The following SVOP variants were observed in gnomAD, a reference collection of about 807,000 sequenced individuals.
SVOP encodes SV2 related protein.
A neutral mutation model predicts 69.1 loss-of-function variants in SVOP; 17 were observed. The observed-to-expected ratio is 0.25, with a 90% confidence interval of 0.17 to 0.37. SVOP has a LOEUF of 0.37. SVOP is among the 10% of genes least tolerant of loss of function. The pLI is 1.00. For synonymous variants in SVOP, 238 were observed against 238.6 expected (o/e 1.00, Z 0.02); for missense variants, 435 against 597.5 (o/e 0.73, Z 2.84).
chr12:108,956,009 G>A, intron 6 of SVOP, among the ~76,000 whole-genome samples: 1 of 152,096 alleles, frequency 6.6e-6, no homozygotes, highest in Non-Finnish European at 1.5e-5. Context: ...TTTAGAATTA[G>A]CATTATGCTG....
intron 9 of SVOP, 40 bp from the exon 10 acceptor site, chr12:108,937,377 A>C: frequency 6.3e-7 from 1 of 1,584,748 alleles, no homozygotes; most frequent in Non-Finnish European, 8.7e-7. Flanking sequence ...TCTCTCCCCT[A>C]CAGATGCACG....
chr12:109,010,759 C>T (rs1016630304), intron 1 of SVOP, among the ~76,000 whole-genome samples: 11 of 152,148 alleles, frequency 7.2e-5, no homozygotes, highest in Non-Finnish European at 1.2e-4. Flanking sequence ...GCCTTGGCCT[C>T]CCAAAGTGCT....
chr12:108,984,632 C>T lies in SVOP; in HGVS notation c.36-871G>A, dbSNP rs981757315. 1.3e-4 allele frequency among the ~76,000 whole-genome samples: 20 copies of T among 152,302 alleles called. No homozygotes were observed. The South Asian group carries it at 4.1e-3, about 32-fold the overall frequency. ...ACATTTGAGTTTGAGACCCCATGGGCCCCACTCTTATGCAATATGTCCTTC... is the reference window on the plus strand; with the variant it reads ...ACATTTGAGTTTGAGACCCCATGGGTCCCACTCTTATGCAATATGTCCTTC... On this transcript the variant is annotated intron_variant, in intron 1 of 15. Coordinates refer to ENST00000610966, the MANE Select transcript of SVOP (RefSeq NM_018711.5).
chr12:109,014,501 T>C (rs1316650764), intron 1 of SVOP, among the ~76,000 whole-genome samples: 2 of 152,210 alleles, frequency 1.3e-5, no homozygotes, highest in African/African-American at 2.4e-5. Context: ...GCTGTGAACA[T>C]AGAAGTACGA....
At chr12:108,959,278 A>C (rs768002107) in intron 6 of SVOP, among the ~76,000 whole-genome samples, 2 of 151,552 alleles carry the variant, frequency 1.3e-5, no homozygotes, top group Non-Finnish European at 2.9e-5. Flanking sequence ...CACCAATAGA[A>C]TCCCTTTGGC....
rs71079510 is a variant in SVOP at position 109,008,960 on chromosome 12, C to CTTTTTT, written c.35+11868_35+11873dup. On this transcript the variant is annotated intron_variant, in intron 1 of 15. Transcript: ENST00000610966. Reference sequence around the variant, plus strand: ...TTGTAACTTTTTTTTTCTTTTCTTTCTTTTTTTTTTTTTTTTTTTGAGATG... The same window carrying CTTTTTT: ...TTGTAACTTTTTTTTTCTTTTCTTTCTTTTTTTTTTTTTTTTTTTTTTTTTGAGATG... Among the ~76,000 whole-genome samples, 57 of 112,718 alleles carry CTTTTTT rather than the reference C, an allele frequency of 5.1e-4. 1 individual carries two copies. Among genetic ancestry groups the CTTTTTT allele is most frequent in the African/African-American group, 1.4e-3 (38 of 27,900 alleles). The allele number at this position is 112,718 out of a possible 152,430, so 73.9% of individuals were successfully genotyped here.
chr12:108,950,544 G>A (rs2039948915), intron 6 of SVOP, among the ~76,000 whole-genome samples: 1 of 151,942 alleles, frequency 6.6e-6, no homozygotes, highest in Admixed American at 6.6e-5. Context: ...CACCACACTT[G>A]GCTAATTTTT....
In SVOP at chr12:108,922,127, G is replaced by A. The variant is rs142249233; in HGVS notation, c.1156+563C>T. Reference sequence around the variant, plus strand: ...AGGGATCAGCTGCCCTTTTGGACCAGGCTACCATGTCAGAGTTGTTTGTAC... The same window carrying A: ...AGGGATCAGCTGCCCTTTTGGACCAAGCTACCATGTCAGAGTTGTTTGTAC... On this transcript the variant is annotated intron_variant, in intron 12 of 15. Transcript: ENST00000610966. Among the ~76,000 whole-genome samples, 261 of 152,264 alleles carry A rather than the reference G, an allele frequency of 1.7e-3. 5 individuals are homozygous for A. The highest frequency in any genetic ancestry group is 6.1e-3 in the African/African-American group (253 of 41,532).
intron 1 of SVOP, among the ~76,000 whole-genome samples, chr12:108,999,942 A>C (rs1199432815): frequency 1.3e-5 from 2 of 151,914 alleles, no homozygotes; most frequent in Non-Finnish European, 2.9e-5. Context: ...AGCTAGCAGA[A>C]GGCAAGAAAT....
chr12:108,945,463 C>A (rs900577139), intron 6 of SVOP, among the ~76,000 whole-genome samples: 2 of 152,074 alleles, frequency 1.3e-5, no homozygotes, highest in Non-Finnish European at 2.9e-5. Context: ...AATCATAGCT[C>A]ACTGCACAAC....
chr12:108,950,386 A>G (rs1350426790), intron 6 of SVOP, among the ~76,000 whole-genome samples: 1 of 149,594 alleles, frequency 6.7e-6, no homozygotes, highest in Non-Finnish European at 1.5e-5. Flanking sequence ...GCCAAGAATT[A>G]CTCTTTTTTT....
chr12:108,966,993 A>C (rs980142666), intron 5 of SVOP, among the ~76,000 whole-genome samples: 10 of 152,158 alleles, frequency 6.6e-5, no homozygotes, highest in Non-Finnish European at 1.3e-4. Flanking sequence ...TTTTATGTAC[A>C]AGGGCCATTT....
chr12:108,910,044 CT>C lies in SVOP; in HGVS notation c.*2490del, dbSNP rs1259655071. On this transcript the variant is annotated 3_prime_UTR_variant, in exon 16 of 16. Transcript: ENST00000610966. Reference sequence around the variant, plus strand: ...GCGCGATCTCGGCTCACTGCAAGCTCTGCCTCCTGGGTTCACGCCATTCTCC... The same window carrying C: ...GCGCGATCTCGGCTCACTGCAAGCTCGCCTCCTGGGTTCACGCCATTCTCC... 6.6e-6 allele frequency: 1 copy of C among 152,260 alleles called. No homozygotes were observed. Among genetic ancestry groups the C allele is most frequent in the Non-Finnish European group, 1.5e-5 (1 of 68,114 alleles). The allele number at this position is 152,260 out of a possible 1,614,324, so 9.4% of individuals were successfully genotyped here.
At chr12:109,005,569 C>G (rs1422194929) in intron 1 of SVOP, among the ~76,000 whole-genome samples, 1 of 152,164 alleles carries the variant, frequency 6.6e-6, no homozygotes, top group African/African-American at 2.4e-5. Flanking sequence ...AAATACATCA[C>G]TATACATTTG....
chr12:108,958,667 G>A (rs1235242137), intron 6 of SVOP, among the ~76,000 whole-genome samples: 2 of 152,164 alleles, frequency 1.3e-5, no homozygotes, highest in African/African-American at 4.8e-5. Flanking sequence ...CTTCAGGACT[G>A]AGGCTTTTAT....
chr12:108,938,999 T>C (rs1056891641), intron 8 of SVOP, 44 bp from the exon 9 acceptor site: 3 of 1,613,072 alleles, frequency 1.9e-6, no homozygotes, highest in African/African-American at 2.7e-5. Flanking sequence ...CTGGTTAGGG[T>C]GGAACAGAGC....
At chr12:109,006,472 G>A (rs2040308331) in intron 1 of SVOP, among the ~76,000 whole-genome samples, 2 of 152,250 alleles carry the variant, frequency 1.3e-5, no homozygotes, top group East Asian at 1.9e-4. Context: ...CAAGAAGAAG[G>A]GGCATGCCAC....
At chr12:108,995,052 G>A (rs1373016934) in intron 1 of SVOP, among the ~76,000 whole-genome samples, 2 of 151,882 alleles carry the variant, frequency 1.3e-5, no homozygotes, top group African/African-American at 4.8e-5. Context: ...GGCTGAGGTG[G>A]GAGGATTATT....
rs143136127 is a variant in SVOP, at chr12:108,970,757, G to T, written c.453+1648C>A. Among the ~76,000 whole-genome samples, 707 of 152,330 alleles carry T rather than the reference G, an allele frequency of 4.6e-3. 10 individuals carry two copies. The highest frequency in any genetic ancestry group is 0.016 in the African/African-American group (670 of 41,574). ...GAGATTCACACAGTGGCTCACATCT[G>T]TAATCCCAGCACTTTGGGAGGCTGA... On this transcript the variant is annotated intron_variant, in intron 5 of 15. Coordinates refer to ENST00000610966, the MANE Select transcript of SVOP (RefSeq NM_018711.5).
Sources: allele counts gnomAD v4.1 joint callset (sites outside exome capture counted in the v4.1 genomes callset), GRCh38; gene constraint gnomAD v4.1.1; transcripts MANE v1.5; gene names NCBI Gene and HGNC (gene_info 2026-07-23, HGNC 2026-07-21).